Variants in ZFHX3 observed in about 807,000 individuals in gnomAD.
The protein encoded by ZFHX3 is zinc finger homeobox protein 3.
In ZFHX3, 42 loss-of-function variants were observed where a neutral mutation model predicts 279.1. The observed-to-expected ratio is 0.15, with a 90% confidence interval of 0.12 to 0.19. The LOEUF (loss-of-function observed/expected upper bound fraction) is 0.19, where lower values mean the gene tolerates loss of function less well. ZFHX3 is among the 10% of genes least tolerant of loss of function. ZFHX3 has a pLI of 1.00. For missense variants in ZFHX3, 4,981 were observed against 4,754.0 expected (o/e 1.05, Z -1.40); for synonymous variants, 2,293 against 1,957.8 (o/e 1.17, Z -4.52).
rs535404782 is a variant in ZFHX3 at position 73,263,110 on chromosome 16, A to G, written c.-1193-5974T>C. On this transcript the variant is annotated intron_variant, in intron 4 of 17. Coordinates refer to the ZFHX3 transcript ENST00000641206. ...TTGTTTTAAGTCTGGAGTGTTTGTTACACAGCGAAAGCTAACTGATAACAA... is the reference window on the plus strand; with the variant it reads ...TTGTTTTAAGTCTGGAGTGTTTGTTGCACAGCGAAAGCTAACTGATAACAA... Among the ~76,000 whole-genome samples the G allele has an allele frequency of 2.6e-4, 40 of 152,352 alleles. No individual in the cohort carries two copies. In the South Asian group the frequency reaches 7.2e-3, roughly 28 times the overall value.
chr16:73,665,761 AT>A (rs2052832551), intron 2 of ZFHX3, among the ~76,000 whole-genome samples: 1 of 149,086 alleles, frequency 6.7e-6, no homozygotes, highest in Admixed American at 6.7e-5. Flanking sequence ...GGACCAAATG[AT>A]TTTTTACTGT....
intron 4 of ZFHX3, among the ~76,000 whole-genome samples, chr16:73,300,264 TAA>T (rs36110201): frequency 0.36 from 44,198 of 123,628 alleles, 7,668 homozygotes; most frequent in Non-Finnish European, 0.42. Context: ...CTCTGTCTCT[TAA>T]AAAAAAAAAA....
chr16:73,889,988 A>C (rs192219382), intron 1 of ZFHX3, among the ~76,000 whole-genome samples: 60 of 152,206 alleles, frequency 3.9e-4, no homozygotes, highest in African/African-American at 1.3e-3. Context: ...TGTTCTGTGG[A>C]TTCTTAAGTG....
At chr16:73,787,215 G>T (rs918771595) in intron 1 of ZFHX3, among the ~76,000 whole-genome samples, 1 of 152,034 alleles carries the variant, frequency 6.6e-6, no homozygotes, top group African/African-American at 2.4e-5. Context: ...CCTATCATTG[G>T]GGTGTTTCCT....
intron 3 of ZFHX3, among the ~76,000 whole-genome samples, chr16:73,359,155 G>T (rs1240761352): frequency 6.7e-6 from 1 of 149,314 alleles, no homozygotes; most frequent in Non-Finnish European, 1.5e-5. Flanking sequence ...TGTTCTTTAG[G>T]TTCTAAAAGA....
chr16:73,614,988 G>A (rs963897137), intron 2 of ZFHX3, among the ~76,000 whole-genome samples: 2 of 151,940 alleles, frequency 1.3e-5, no homozygotes, highest in Non-Finnish European at 2.9e-5. Context: ...TCGAACTCCT[G>A]GGCTCAAGCA....
chr16:73,526,421 C>A (rs1208404860), intron 2 of ZFHX3, among the ~76,000 whole-genome samples: 1 of 152,186 alleles, frequency 6.6e-6, no homozygotes, highest in Non-Finnish European at 1.5e-5. Context: ...GCCACCCCCA[C>A]CCTGTTCACC....
chr16:73,052,996 C>T (rs977953161), upstream of ZFHX3, among the ~76,000 whole-genome samples: 2 of 152,202 alleles, frequency 1.3e-5, no homozygotes, highest in Non-Finnish European at 2.9e-5. Context: ...ATTTTTCACC[C>T]GTCTTACTTG....
intron 3 of ZFHX3, among the ~76,000 whole-genome samples, chr16:72,949,180 G>T (rs369436951): frequency 5.9e-5 from 9 of 152,208 alleles, no homozygotes; most frequent in African/African-American, 2.2e-4. Flanking sequence ...GCCGACATGG[G>T]CAAAGGACTA....
At chr16:73,096,781 G>T (rs546559293) in intron 7 of ZFHX3, among the ~76,000 whole-genome samples, 29 of 152,168 alleles carry the variant, frequency 1.9e-4, no homozygotes, top group African/African-American at 5.8e-4. Context: ...GGGGCATCAT[G>T]TTAAAACTCT....
At chr16:73,358,675 A>G (rs1401407216) in intron 3 of ZFHX3, among the ~76,000 whole-genome samples, 1 of 152,248 alleles carries the variant, frequency 6.6e-6, no homozygotes, top group Non-Finnish European at 1.5e-5. Flanking sequence ...TCATCCATAT[A>G]TGCAGACAGG....
intron 7 of ZFHX3, among the ~76,000 whole-genome samples, chr16:73,103,972 G>A (rs1185343305): frequency 6.6e-6 from 1 of 152,240 alleles, no homozygotes; most frequent in East Asian, 1.9e-4. Flanking sequence ...TGATTCCACT[G>A]GTCTATCTCC....
intron 1 of ZFHX3, among the ~76,000 whole-genome samples, chr16:73,023,026 G>A (rs982627809): frequency 2.6e-5 from 4 of 152,136 alleles, no homozygotes; most frequent in African/African-American, 7.2e-5. Context: ...TCAGGAGTTC[G>A]AGGCCAACCT....
At chr16:73,261,668 G>GTTTTTTTTTTTTTTTTTT (rs1187489542) in intron 4 of ZFHX3, among the ~76,000 whole-genome samples, 1 of 80,716 alleles carries the variant, frequency 1.2e-5, no homozygotes, top group African/African-American at 4.8e-5. Context: ...TCCTGTGATT[G>GTTTTTTTTTTTTTTTTTT]TTTTTTTTTT....
chr16:73,093,091 A>C (rs755341247), intron 8 of ZFHX3: 5 of 519,862 alleles, frequency 9.6e-6, no homozygotes, highest in Admixed American at 5.8e-5. Context: ...AGATCCCTTC[A>C]TTCTTCAGCA....
intron 1 of ZFHX3, among the ~76,000 whole-genome samples, chr16:73,761,038 C>A (rs944151818): frequency 6.6e-6 from 1 of 150,860 alleles, no homozygotes; most frequent in Non-Finnish European, 1.5e-5. Flanking sequence ...GAGAGGAGGT[C>A]AAATTGTCCA....
chr16:73,265,056 ATAG>A (rs2013933961), intron 4 of ZFHX3, among the ~76,000 whole-genome samples: 1 of 146,614 alleles, frequency 6.8e-6, no homozygotes, highest in East Asian at 2.1e-4. Flanking sequence ...CATATATATA[ATAG>A]CACCTCAGCG....
At chr16:73,863,601 T>C (rs1961937508) in intron 1 of ZFHX3, among the ~76,000 whole-genome samples, 1 of 152,242 alleles carries the variant, frequency 6.6e-6, no homozygotes, top group South Asian at 2.1e-4. Flanking sequence ...GCTGATCATC[T>C]TCTGCATTCT....
intron 5 of ZFHX3, among the ~76,000 whole-genome samples, chr16:73,249,485 C>A (rs1181388554): frequency 1.3e-5 from 2 of 152,050 alleles, no homozygotes; most frequent in Admixed American, 1.3e-4. Context: ...AGAATGAGAG[C>A]CAAGTGAAAG....
Sources: allele counts gnomAD v4.1 joint callset (sites outside exome capture counted in the v4.1 genomes callset), GRCh38; gene constraint gnomAD v4.1.1; transcripts MANE v1.5; gene names NCBI Gene and HGNC (gene_info 2026-07-23, HGNC 2026-07-21).